Variants in HDAC8 observed in about 807,000 individuals in gnomAD.
The protein encoded by HDAC8 is histone deacetylase 8.
In HDAC8, 1 loss-of-function variant was observed where a neutral mutation model predicts 32.2. The observed-to-expected ratio is 0.03, with a 90% CI of 0.01 to 0.15. The LOEUF (loss-of-function observed/expected upper bound fraction) is 0.15. Ranked by LOEUF, HDAC8 falls within the 10% of genes least tolerant of loss-of-function variation. HDAC8 has a pLI of 1.00. For synonymous variants in HDAC8, 108 were observed against 113.9 expected, an observed-to-expected ratio of 0.95 and a Z score of 0.33; for missense variants, 117 against 300.0, an observed-to-expected ratio of 0.39 and a Z score of 4.51.
intron 4 of HDAC8, among the ~76,000 whole-genome samples, chrX:72,558,235 T>C (rs191045479): frequency 1.6e-4 from 18 of 111,794 alleles, no homozygotes; most frequent in African/African-American, 3.9e-4. Flanking sequence ...CCCTAAATCA[T>C]TCTATGAAGC....
rs2046947797 is a variant in HDAC8, at chrX:72,436,222, T to G, written c.1005+25782A>C. Among the ~76,000 whole-genome samples the G allele has an allele frequency of 3.6e-5, 4 of 111,549 alleles. 1 individual carries two copies. In the Admixed American group the frequency reaches 3.8e-4, roughly 11 times the overall value. On this transcript the variant is annotated intron_variant, in intron 9 of 10. Coordinates refer to ENST00000373573, the MANE Select transcript of HDAC8 (RefSeq NM_018486.3). ...AATCCTACAGATTCAAGAAGCTGAA[T>G]GAGCCCTAAACATGATAAACCCAAG...
chrX:72,398,197 T>C (rs1202742748), intron 9 of HDAC8, among the ~76,000 whole-genome samples: 1 of 112,485 alleles, frequency 8.9e-6, no homozygotes, highest in Non-Finnish European at 1.9e-5. Context: ...TTTATTGTGG[T>C]TTTAATTTAC....
intron 4 of HDAC8, among the ~76,000 whole-genome samples, chrX:72,562,842 T>C (rs2051626779): frequency 9.1e-6 from 1 of 110,397 alleles, no homozygotes; most frequent in Admixed American, 9.6e-5. Context: ...TACAAAGCTG[T>C]GATTACAATG....
At chrX:72,391,338 G>C (rs1406331176) in intron 9 of HDAC8, among the ~76,000 whole-genome samples, 4 of 112,408 alleles carry the variant, frequency 3.6e-5, no homozygotes, top group Non-Finnish European at 7.5e-5. Flanking sequence ...AAGCAGAACT[G>C]TGAATACCCA....
intron 9 of HDAC8, among the ~76,000 whole-genome samples, chrX:72,402,129 T>C (rs1031769553): frequency 9.0e-6 from 1 of 111,645 alleles, no homozygotes; most frequent in Non-Finnish European, 1.9e-5. Flanking sequence ...ATGCGGGTAG[T>C]GTAATTTGTT....
At chrX:72,502,088 C>T (rs1299139204) in intron 4 of HDAC8, among the ~76,000 whole-genome samples, 1 of 111,684 alleles carries the variant, frequency 9.0e-6, no homozygotes, top group African/African-American at 3.3e-5. Context: ...TCACACCAGT[C>T]AGAGTGGCTA....
At chrX:72,441,197 T>G (rs372271616) in intron 9 of HDAC8, among the ~76,000 whole-genome samples, 1 of 112,735 alleles carries the variant, frequency 8.9e-6, no homozygotes, top group African/African-American at 3.2e-5. Context: ...TCTCCCAGCA[T>G]GCAGCTGGAG....
intron 7 of HDAC8, among the ~76,000 whole-genome samples, chrX:72,483,785 A>T (rs2048582469): frequency 8.9e-6 from 1 of 111,969 alleles, no homozygotes; most frequent in Non-Finnish European, 1.9e-5. Context: ...AAGAAAAATT[A>T]TCATGCCATA....
intron 8 of HDAC8, among the ~76,000 whole-genome samples, chrX:72,463,323 T>C (rs2047918190): frequency 1.8e-5 from 2 of 112,489 alleles, no homozygotes; most frequent in Admixed American, 9.4e-5. Flanking sequence ...ATTCCATTTA[T>C]GCACAAGCGT....
chrX:72,370,329 T>G (rs1227652468), intron 9 of HDAC8, among the ~76,000 whole-genome samples: 1 of 112,026 alleles, frequency 8.9e-6, no homozygotes, highest in African/African-American at 3.2e-5. Flanking sequence ...GAGATTGGTA[T>G]TAGCTGATGT....
intron 9 of HDAC8, among the ~76,000 whole-genome samples, chrX:72,400,471 CTT>C (rs1476463818): frequency 8.9e-6 from 1 of 112,010 alleles, no homozygotes; most frequent in Non-Finnish European, 1.9e-5. Flanking sequence ...CAGAACAAAT[CTT>C]TGAGTCCTTG....
intron 10 of HDAC8, among the ~76,000 whole-genome samples, chrX:72,349,304 T>C (rs1478182331): frequency 1.8e-5 from 2 of 112,327 alleles, no homozygotes; most frequent in African/African-American, 6.5e-5. Flanking sequence ...TCCAGGAACA[T>C]GCTCCTATTT....
At chrX:72,491,893 TC>T (rs1198197625) in intron 5 of HDAC8, among the ~76,000 whole-genome samples, 7 of 111,820 alleles carry the variant, frequency 6.3e-5, no homozygotes, top group African/African-American at 2.3e-4. Context: ...GGTACTGTCC[TC>T]TTTCTTACTT....
chrX:72,474,579 C>A, intron 7 of HDAC8: 2 of 1,179,031 alleles, frequency 1.7e-6, no homozygotes, highest in South Asian at 3.8e-5. Context: ...TATAAACATA[C>A]AAGATATTCA....
At chrX:72,419,968 T>C (rs2046441374) in intron 9 of HDAC8, among the ~76,000 whole-genome samples, 2 of 111,789 alleles carry the variant, frequency 1.8e-5, no homozygotes, top group African/African-American at 6.5e-5. Flanking sequence ...CTGGTCATAG[T>C]GTATAATGAC....
intron 4 of HDAC8, among the ~76,000 whole-genome samples, chrX:72,544,992 C>T (rs1374256330): frequency 9.0e-6 from 1 of 111,351 alleles, no homozygotes; most frequent in East Asian, 2.8e-4. Flanking sequence ...TAGTCATCCT[C>T]ATCAATTAGG....
At chrX:72,449,749 A>T (rs1205320807) in intron 9 of HDAC8, among the ~76,000 whole-genome samples, 2 of 111,595 alleles carry the variant, frequency 1.8e-5, no homozygotes, top group Non-Finnish European at 3.8e-5. Flanking sequence ...GTCTACAAGA[A>T]ACTCACTTCA....
intron 7 of HDAC8, among the ~76,000 whole-genome samples, chrX:72,484,146 A>T (rs1254872059): frequency 8.9e-6 from 1 of 112,393 alleles, no homozygotes. Flanking sequence ...ATAGTCTTTG[A>T]TGGGGAAGAA....
At chrX:72,337,061 C>A (rs1555942756) in intron 10 of HDAC8, among the ~76,000 whole-genome samples, 1 of 112,340 alleles carries the variant, frequency 8.9e-6, no homozygotes, top group African/African-American at 3.2e-5. Context: ...CTTTTGCCCA[C>A]TTAAAAATTG....
Sources: gnomAD v4.1 joint callset for allele counts (sites outside exome capture counted in the v4.1 genomes callset) on GRCh38, gnomAD v4.1.1 for gene constraint, MANE v1.5 for transcripts, NCBI Gene and HGNC (gene_info 2026-07-23, HGNC 2026-07-21) for gene names.